The following ASCC3 variants were observed in gnomAD, a reference collection of about 807,000 sequenced individuals.
The protein encoded by ASCC3 is activating signal cointegrator 1 complex subunit 3.
In ASCC3, 158 loss-of-function variants were observed where a neutral mutation model predicts 256.3. The ratio of observed to expected loss-of-function variants is 0.62; its 90% CI spans 0.54 to 0.70. The LOEUF (loss-of-function observed/expected upper bound fraction) is 0.70, where lower values mean the gene tolerates loss of function less well. Among genes scored for constraint, ASCC3 ranks in the 30% least tolerant of loss-of-function variants. The pLI is 0.00. For synonymous variants in ASCC3, 948 were observed against 883.4 expected, an observed-to-expected ratio of 1.07 and a Z score of -1.30; for missense variants, 2,259 against 2,626.0, an observed-to-expected ratio of 0.86 and a Z score of 3.05.
chr6:100,716,215 T>G (rs1779081197), intron 12 of ASCC3, among the ~76,000 whole-genome samples: 1 of 151,890 alleles, frequency 6.6e-6, no homozygotes, highest in Admixed American at 6.6e-5. Context: ...TACATGCATA[T>G]AATTATCAAT....
chr6:100,758,183 G>T (rs1275970410), intron 10 of ASCC3, among the ~76,000 whole-genome samples: 1 of 152,126 alleles, frequency 6.6e-6, no homozygotes, highest in Non-Finnish European at 1.5e-5. Context: ...GATACATATA[G>T]CAGATGCTAA....
intron 22 of ASCC3, among the ~76,000 whole-genome samples, chr6:100,644,739 C>T (rs766880573): frequency 3.0e-4 from 45 of 152,224 alleles, no homozygotes; most frequent in Non-Finnish European, 6.2e-4. Flanking sequence ...CATGGGATTC[C>T]CCTCCCAACT....
chr6:100,666,665 C>T (rs1178219338), intron 14 of ASCC3, among the ~76,000 whole-genome samples: 3 of 152,022 alleles, frequency 2.0e-5, no homozygotes, highest in African/African-American at 7.2e-5. Context: ...GTATAAGGAG[C>T]GAGTTTTTTA....
chr6:100,689,624 A>G (rs1370651738), intron 13 of ASCC3, among the ~76,000 whole-genome samples: 1 of 152,224 alleles, frequency 6.6e-6, no homozygotes, highest in Non-Finnish European at 1.5e-5. Flanking sequence ...CAAAGACCAC[A>G]TATTTTTCAG....
intron 25 of ASCC3, among the ~76,000 whole-genome samples, chr6:100,635,872 T>C (rs183957704): frequency 2.0e-4 from 31 of 152,282 alleles, no homozygotes; most frequent in African/African-American, 7.0e-4. Flanking sequence ...ATAATCAAAC[T>C]ATATTAAAGC....
At chr6:100,512,997 T>C in intron 39 of ASCC3, 79 bp from the exon 40 acceptor site, 1 of 1,285,006 alleles carries the variant, frequency 7.8e-7, no homozygotes, top group South Asian at 1.3e-5. Flanking sequence ...AGTGTGCTTT[T>C]AGACGAAAAT....
At chr6:100,671,179 T>C (rs1363118244) in intron 14 of ASCC3, among the ~76,000 whole-genome samples, 1 of 152,050 alleles carries the variant, frequency 6.6e-6, no homozygotes, top group Non-Finnish European at 1.5e-5. Context: ...AAGAAGCTTT[T>C]TAAAAGAAGT....
intron 36 of ASCC3, among the ~76,000 whole-genome samples, chr6:100,565,248 C>T (rs927861577): frequency 2.6e-5 from 4 of 152,052 alleles, no homozygotes; most frequent in African/African-American, 7.2e-5. Context: ...AATGGGTTCC[C>T]GACTGTTTTG....
intron 20 of ASCC3, among the ~76,000 whole-genome samples, chr6:100,649,102 C>A (rs1197716919): frequency 6.6e-6 from 1 of 151,706 alleles, no homozygotes; most frequent in Non-Finnish European, 1.5e-5. Flanking sequence ...CTGATGCATT[C>A]AGGGATGCTA....
At chr6:100,803,992 C>T (rs1770047621) in intron 5 of ASCC3, among the ~76,000 whole-genome samples, 1 of 152,074 alleles carries the variant, frequency 6.6e-6, no homozygotes, top group African/African-American at 2.4e-5. Flanking sequence ...TTCCTATTTA[C>T]CACTTAAAAC....
At chr6:100,747,113 A>G (rs9498257) in intron 10 of ASCC3, among the ~76,000 whole-genome samples, 2 of 149,086 alleles carry the variant, frequency 1.3e-5, no homozygotes, top group Non-Finnish European at 3.0e-5. Flanking sequence ...AATACACACA[A>G]CACCAAAGAA....
At chr6:100,568,919 G>A (rs1250235044) in intron 36 of ASCC3, among the ~76,000 whole-genome samples, 17 of 150,990 alleles carry the variant, frequency 1.1e-4, no homozygotes, top group Non-Finnish European at 2.1e-4. Context: ...CTGGGACTAC[G>A]GGCACCCGCC....
chr6:100,864,354 C>T (rs553878148), intron 2 of ASCC3, 140 bp from the exon 3 acceptor site: 11 of 691,722 alleles, frequency 1.6e-5, no homozygotes, highest in East Asian at 7.9e-5. Context: ...CACATCCAAA[C>T]TGACTACTCA....
intron 10 of ASCC3, among the ~76,000 whole-genome samples, chr6:100,760,767 A>T (rs1308741973): frequency 3.3e-5 from 5 of 152,226 alleles, no homozygotes; most frequent in African/African-American, 1.2e-4. Flanking sequence ...AGACCAAAAA[A>T]ATCATCCAGA....
At chr6:100,584,009 A>C (rs188982203) in intron 36 of ASCC3, among the ~76,000 whole-genome samples, 369 of 152,172 alleles carry the variant, frequency 2.4e-3, no homozygotes, top group Non-Finnish European at 4.4e-3. Context: ...ACTTCCAAGT[A>C]TGTGGTCAAT....
chr6:100,584,550 T>C (rs1172721506), intron 36 of ASCC3, among the ~76,000 whole-genome samples: 1 of 152,222 alleles, frequency 6.6e-6, no homozygotes, highest in Non-Finnish European at 1.5e-5. Context: ...TTTGCCAGTC[T>C]GTCTCTTTAA....
chr6:100,513,688 T>A (rs1399286901), intron 39 of ASCC3, among the ~76,000 whole-genome samples: 1 of 152,092 alleles, frequency 6.6e-6, no homozygotes. Flanking sequence ...AAATGACACA[T>A]TAAAAGATAT....
Position 100,739,083 on chromosome 6 carries a change from T to G in ASCC3, c.1738-13380A>C, listed in dbSNP as rs9498228. ...TATGATATTGGCCATGGGTTTGTCATATATGGTTCTTATTATTTTGAGGTA... is the reference window on the plus strand; with the variant it reads ...TATGATATTGGCCATGGGTTTGTCAGATATGGTTCTTATTATTTTGAGGTA... On this transcript the variant is annotated intron_variant, in intron 10 of 41. Transcript: ENST00000369162. Among the ~76,000 whole-genome samples the G allele has an allele frequency of 4.8e-3, 738 of 152,338 alleles. 9 individuals are homozygous for G. Among genetic ancestry groups the G allele is most frequent in the African/African-American group, 0.017 (715 of 41,572 alleles).
chr6:100,640,582 G>T (rs910804923), intron 24 of ASCC3, among the ~76,000 whole-genome samples: 5 of 152,144 alleles, frequency 3.3e-5, no homozygotes, highest in Non-Finnish European at 1.5e-5. Flanking sequence ...GATGTTTGAA[G>T]CATGTATTTT....
Sources: gnomAD v4.1 joint callset for allele counts (sites outside exome capture counted in the v4.1 genomes callset) on GRCh38, gnomAD v4.1.1 for gene constraint, MANE v1.5 for transcripts, NCBI Gene and HGNC (gene_info 2026-07-23, HGNC 2026-07-21) for gene names.